Variants in PDXDC1 observed in about 807,000 individuals in gnomAD.
PDXDC1 encodes the protein pyridoxal dependent decarboxylase domain containing 1, also known as pyridoxal-dependent decarboxylase domain-containing protein 1.
A neutral mutation model predicts 100.1 loss-of-function variants in PDXDC1; 42 were observed. That is an observed-to-expected ratio of 0.42 (90% CI 0.33 to 0.54). The LOEUF is 0.54. Among genes scored for constraint, PDXDC1 ranks in the 20% least tolerant of loss-of-function variants. The pLI is 0.10. For missense variants in PDXDC1, 636 were observed against 979.2 expected, an observed-to-expected ratio of 0.65 and a Z score of 4.68; for synonymous variants, 260 against 371.7, an observed-to-expected ratio of 0.70 and a Z score of 3.46.
At chr16:14,988,757 C>T in intron 1 of PDXDC1, 1 of 1,613,784 alleles carries the variant, frequency 6.2e-7, no homozygotes, top group Non-Finnish European at 8.5e-7. Flanking sequence ...CGGCCTGGAA[C>T]TGGAGGTGGT....
Position 15,076,654 on chromosome 16 carries a change from T to C in PDXDC1, c.1399+46598T>C, listed in dbSNP as rs757304582. 1.1e-5 allele frequency: 18 copies of C among 1,584,362 alleles called. No individual in the cohort carries two copies. The Admixed American group carries it at 1.2e-4, about 10-fold the overall frequency. ...TACCCTGCCGGGATGCATTCACCTA[T>C]AACAAAGGGAGAAAAAAAAAGAATA... On this transcript the variant is annotated intron_variant, in intron 16 of 16. Transcript: ENST00000535621.
intron 16 of PDXDC1, chr16:15,094,090 G>A (rs761538535): frequency 4.1e-6 from 6 of 1,478,952 alleles, no homozygotes; most frequent in Non-Finnish European, 5.6e-6. Flanking sequence ...GCTCCTCTAA[G>A]CGCCGTCCTG....
chr16:15,063,129 C>G, intron 16 of PDXDC1: 1 of 1,212,334 alleles, frequency 8.2e-7, no homozygotes, highest in Non-Finnish European at 1.2e-6. Context: ...TTGCCACTTA[C>G]TATCTCACTG....
chr16:15,017,393 A>G lies in PDXDC1; in HGVS notation c.934A>G (p.Thr312Ala). 1 of 1,614,236 alleles carries G rather than the reference A, an allele frequency of 6.2e-7. No individual in the cohort carries two copies. The highest frequency in any genetic ancestry group is 8.5e-7 in the Non-Finnish European group (1 of 1,180,018). The change falls in exon 11 of 23, where the codon ACA (threonine) becomes GCA (alanine). Residue 312 changes from threonine (T) to alanine (A), a missense_variant. Transcript: ENST00000396410. ...WLGLPAVPAV[T>A]LYKHDDPALT... ...GGGTTTGCCAGCTGTTCCTGCGGTGACACTGTATAAACACGATGACCCTGC... is the reference window on the plus strand; with the variant it reads ...GGGTTTGCCAGCTGTTCCTGCGGTGGCACTGTATAAACACGATGACCCTGC...
intron 16 of PDXDC1, chr16:15,073,220 C>G: frequency 1.1e-6 from 1 of 931,042 alleles, no homozygotes; most frequent in Non-Finnish European, 1.6e-6. Flanking sequence ...AATCCCAGCA[C>G]TTTGGGAGGC....
chr16:15,007,256 C>T (rs1452138991), intron 6 of PDXDC1, among the ~76,000 whole-genome samples: 25 of 151,724 alleles, frequency 1.6e-4, no homozygotes, highest in African/African-American at 3.9e-4. Flanking sequence ...CTGCAAGCTC[C>T]GCCTCCCGGA....
chr16:15,033,600 A>G (rs2043202464), intron 19 of PDXDC1, among the ~76,000 whole-genome samples: 1 of 152,198 alleles, frequency 6.6e-6, no homozygotes, highest in South Asian at 2.1e-4. Flanking sequence ...GTGATCTCAC[A>G]AGCTCAGGGG....
In PDXDC1 at chr16:15,037,088, A is replaced by C. The variant is rs1392905965; in HGVS notation, c.*813A>C. 2 of 152,184 alleles carry C rather than the reference A, an allele frequency of 1.3e-5. No homozygotes were observed. Among genetic ancestry groups the C allele is most frequent in the African/African-American group, 4.8e-5 (2 of 41,446 alleles). The allele number at this position is 152,184 out of a possible 1,614,324, so 9.4% of individuals were successfully genotyped here. A position where few individuals can be genotyped will look rare whatever the true frequency, so the allele number is the denominator to read the frequency against. ...CTCTTCCGTGTGCTACGTAGCACCC[A>C]CCTGGTTAAAATCTGAAAACAAGTA... On this transcript the variant is annotated 3_prime_UTR_variant, in exon 23 of 23. Transcript: ENST00000396410.
intron 16 of PDXDC1, among the ~76,000 whole-genome samples, chr16:15,112,912 A>G (rs1030183052): frequency 1.2e-5 from 1 of 84,356 alleles, no homozygotes; most frequent in African/African-American, 4.2e-5. Flanking sequence ...AAAAGTGGTA[A>G]ATTTAAAAAC....
intron 16 of PDXDC1, among the ~76,000 whole-genome samples, chr16:15,102,501 G>C (rs1284741997): frequency 6.7e-6 from 1 of 149,644 alleles, no homozygotes; most frequent in Non-Finnish European, 1.5e-5. Flanking sequence ...GATCACTCCA[G>C]GAAGAGAGAG....
chr16:15,063,698 C>G (rs2044820432), intron 16 of PDXDC1, among the ~76,000 whole-genome samples: 1 of 97,866 alleles, frequency 1.0e-5, no homozygotes. Context: ...GAGCAAGACT[C>G]TGTCTCAAAA....
rs546063169 is a variant in PDXDC1, at chr16:15,008,689, T to C, written c.580-90T>C. ...GGAGAGAGATTTCTTAGAAGAATAA[T>C]CGTGTCTTGTCTTAGAGCCACAGCC... On this transcript the variant is annotated intron_variant, in intron 6 of 22. Coordinates refer to ENST00000396410, the MANE Select transcript of PDXDC1 (RefSeq NM_015027.4). 16 of 1,184,032 alleles carry C rather than the reference T, an allele frequency of 1.4e-5. No individual in the cohort carries two copies. In the Admixed American group the frequency reaches 3.1e-4, roughly 23 times the overall value. 73.3% of individuals were successfully genotyped at this position (1,184,032 alleles called of 1,614,324 possible). A position where few individuals can be genotyped will look rare whatever the true frequency, so the allele number is the denominator to read the frequency against.
At chr16:14,991,654 G>A (rs1215646864) in intron 1 of PDXDC1, among the ~76,000 whole-genome samples, 1 of 152,094 alleles carries the variant, frequency 6.6e-6, no homozygotes, top group Non-Finnish European at 1.5e-5. Context: ...GAGTAGCTGA[G>A]ACCAGAGGCA....
intron 1 of PDXDC1, chr16:14,989,928 T>C (rs1231271093): frequency 2.0e-6 from 3 of 1,489,534 alleles, no homozygotes; most frequent in African/African-American, 1.5e-5. Flanking sequence ...CTCGCCGCGC[T>C]CCCGCAGGCC....
chr16:15,061,882 A>T (rs2044728215), intron 16 of PDXDC1: 5 of 1,612,668 alleles, frequency 3.1e-6, no homozygotes, highest in African/African-American at 2.7e-5. Context: ...TCAGAAAGTC[A>T]TCATCTTCAT....
intron 16 of PDXDC1, among the ~76,000 whole-genome samples, chr16:15,124,923 C>T (rs1233273931): frequency 5.3e-5 from 8 of 151,234 alleles, no homozygotes; most frequent in Non-Finnish European, 1.2e-4. Flanking sequence ...CTGAGGCAGG[C>T]GGATCACGAG....
rs1486194372 is a variant in PDXDC1 at position 15,084,703 on chromosome 16, G to T, written c.1400-54176G>T. The T allele has an allele frequency of 2.5e-6, 4 of 1,611,804 alleles. No individual in the cohort carries two copies. The African/African-American group carries it at 5.3e-5, about 21-fold the overall frequency. On this transcript the variant is annotated intron_variant, in intron 16 of 16. Transcript: ENST00000535621. ...TGACATGTGTCAAAATTTGCAGGAA[G>T]ATCTGAAAGGAGAAAAGTTCAGAGT...
chr16:15,075,787 C>A (rs756540086), intron 16 of PDXDC1, among the ~76,000 whole-genome samples: 1 of 152,130 alleles, frequency 6.6e-6, no homozygotes, highest in African/African-American at 2.4e-5. Context: ...CCCACCATGG[C>A]GGGTGCTTTT....
At chr16:15,061,756 G>A (rs2044720765) in intron 16 of PDXDC1, 1 of 1,612,786 alleles carries the variant, frequency 6.2e-7, no homozygotes. Flanking sequence ...AGAGGGGACT[G>A]GGTTGCATGT....
Sources: gnomAD v4.1 joint callset for allele counts (sites outside exome capture counted in the v4.1 genomes callset) on GRCh38, gnomAD v4.1.1 for gene constraint, MANE v1.5 for transcripts, NCBI Gene and HGNC (gene_info 2026-07-23, HGNC 2026-07-21) for gene names.